DAB1: variants seen among roughly 807,000 people sequenced by gnomAD.
DAB1 encodes disabled homolog 1.
DAB1 carries 15 observed loss-of-function variants against 64.6 expected under a neutral mutation model. The observed-to-expected ratio is 0.23, with a 90% CI of 0.16 to 0.36. The LOEUF (loss-of-function observed/expected upper bound fraction) is 0.36, where lower values mean the gene tolerates loss of function less well. DAB1 is among the 10% of genes least tolerant of loss of function. The pLI is 1.00. For missense variants in DAB1, 596 were observed against 706.7 expected (o/e 0.84, Z 1.78); for synonymous variants, 235 against 251.9 (o/e 0.93, Z 0.64).
chr1:57,103,069 C>T (rs1298412245), intron 4 of DAB1, among the ~76,000 whole-genome samples: 1 of 152,124 alleles, frequency 6.6e-6, no homozygotes, highest in African/African-American at 2.4e-5. Context: ...CAAAATGGGG[C>T]TATTTTTAGT....
intron 9 of DAB1, among the ~76,000 whole-genome samples, chr1:57,028,672 G>A (rs144656137): frequency 2.5e-3 from 379 of 152,296 alleles, no homozygotes; most frequent in African/African-American, 8.3e-3. Context: ...ATAGAGATGA[G>A]GAACTGGTTG....
intron 7 of DAB1, among the ~76,000 whole-genome samples, chr1:57,499,139 C>T (rs1009334296): frequency 6.6e-6 from 1 of 152,140 alleles, no homozygotes; most frequent in Non-Finnish European, 1.5e-5. Context: ...CCACGCCCGG[C>T]TAATTTTTTG....
At chr1:57,454,323 C>T (rs1371026203) in intron 7 of DAB1, among the ~76,000 whole-genome samples, 7 of 152,058 alleles carry the variant, frequency 4.6e-5, no homozygotes, top group Admixed American at 4.6e-4. Context: ...ACTATGCAGT[C>T]ATAAAAAAGA....
rs772989513 is a variant in DAB1, at chr1:57,207,446, C to CTTTTTTTTTTTTTT, written c.68-62031_68-62018dup. ...CTGTAATTCATACCTTATTTCCTTT[C>CTTTTTTTTTTTTTT]TTTTTTTTTTTTTTTGAGATGGAGT... On this transcript the variant is annotated intron_variant, in intron 2 of 14. Transcript: ENST00000371236. 1.5e-3 allele frequency among the ~76,000 whole-genome samples: 145 copies of CTTTTTTTTTTTTTT among 98,418 alleles called. 14 individuals are homozygous for CTTTTTTTTTTTTTT. Among genetic ancestry groups the CTTTTTTTTTTTTTT allele is most frequent in the Middle Eastern group, 6.3e-3 (1 of 160 alleles). 64.6% of individuals were successfully genotyped at this position (98,418 alleles called of 152,430 possible).
intron 1 of DAB1, among the ~76,000 whole-genome samples, chr1:57,361,258 A>C (rs1484182860): frequency 6.6e-6 from 1 of 152,190 alleles, no homozygotes. Context: ...CATAAAACTC[A>C]GCATGTCCCA....
rs75222019 is a variant in DAB1 at position 57,141,709 on chromosome 1, C to T, written c.207+3581G>A. The stretch of plus-strand genomic sequence containing the variant: ...CAGGCACTGCCTTTGGAGACCTCAT[C>T]CTTTTCCTTAACTTCAATCACCACC... On this transcript the variant is annotated intron_variant, in intron 3 of 14. Coordinates refer to ENST00000371236, the MANE Select transcript of DAB1 (RefSeq NM_001365792.1). Among the ~76,000 whole-genome samples, 1,408 of 152,272 alleles carry T rather than the reference C, an allele frequency of 9.2e-3. 15 individuals are homozygous for T. The highest frequency in any genetic ancestry group is 0.015 in the Non-Finnish European group (1,033 of 68,020).
At chr1:58,493,970 A>G (rs547468453) in intron 3 of DAB1, among the ~76,000 whole-genome samples, 1 of 147,064 alleles carries the variant, frequency 6.8e-6, no homozygotes, top group Non-Finnish European at 1.5e-5. Context: ...GTCAATCCTA[A>G]GCAAAAAGAA....
At chr1:58,044,866 G>A (rs2100512801) in intron 5 of DAB1, among the ~76,000 whole-genome samples, 1 of 152,174 alleles carries the variant, frequency 6.6e-6, no homozygotes, top group South Asian at 2.1e-4. Context: ...ATAATAATCT[G>A]AACAAACCTA....
At chr1:57,514,224 A>C (rs1020321967) in intron 7 of DAB1, among the ~76,000 whole-genome samples, 15 of 152,194 alleles carry the variant, frequency 9.9e-5, no homozygotes, top group Non-Finnish European at 1.9e-4. Context: ...GCTGGGTCAT[A>C]TGGTAGTTCA....
intron 4 of DAB1, among the ~76,000 whole-genome samples, chr1:58,226,462 G>A (rs1241374923): frequency 1.3e-5 from 2 of 151,794 alleles, no homozygotes; most frequent in African/African-American, 4.8e-5. Context: ...CACAGAAGCA[G>A]GGCTCGAGGT....
At chr1:57,091,819 C>A (rs566768416) in intron 4 of DAB1, among the ~76,000 whole-genome samples, 1 of 152,330 alleles carries the variant, frequency 6.6e-6, no homozygotes, top group African/African-American at 2.4e-5. Context: ...CAGTTCCTGG[C>A]ACCTAATAAA....
intron 5 of DAB1, among the ~76,000 whole-genome samples, chr1:57,936,961 C>T (rs1431014884): frequency 3.9e-5 from 6 of 152,048 alleles, no homozygotes; most frequent in South Asian, 4.2e-4. Flanking sequence ...GGCTTGTTCT[C>T]ACCTCAGGGC....
chr1:57,465,434 A>G (rs1686924258), intron 7 of DAB1, among the ~76,000 whole-genome samples: 1 of 152,136 alleles, frequency 6.6e-6, no homozygotes, highest in African/African-American at 2.4e-5. Flanking sequence ...CCCTGAACAA[A>G]TGAATGAATG....
chr1:57,543,641 A>G (rs1239268274), intron 7 of DAB1, among the ~76,000 whole-genome samples: 1 of 152,198 alleles, frequency 6.6e-6, no homozygotes, highest in Non-Finnish European at 1.5e-5. Context: ...TCGGTAAAAG[A>G]CTTAGAGAAG....
chr1:57,672,107 G>C (rs550208667), intron 6 of DAB1, among the ~76,000 whole-genome samples: 1 of 152,218 alleles, frequency 6.6e-6, no homozygotes, highest in African/African-American at 2.4e-5. Flanking sequence ...GAAAGGCCCA[G>C]AAAAGTTAAG....
intron 7 of DAB1, among the ~76,000 whole-genome samples, chr1:57,540,439 T>C (rs1461550873): frequency 6.6e-6 from 1 of 152,174 alleles, no homozygotes; most frequent in East Asian, 1.9e-4. Context: ...AGCAATCCCA[T>C]GACTCGTATT....
chr1:58,070,930 C>G (rs17116832), intron 5 of DAB1, among the ~76,000 whole-genome samples: 168 of 152,248 alleles, frequency 1.1e-3, no homozygotes, highest in African/African-American at 3.9e-3. Flanking sequence ...TGAGAGTGAT[C>G]CAGGTGGAGA....
At chr1:57,225,390 T>C (rs1667185990) in intron 2 of DAB1, among the ~76,000 whole-genome samples, 1 of 152,152 alleles carries the variant, frequency 6.6e-6, no homozygotes, top group South Asian at 2.1e-4. Flanking sequence ...TTGAACTGAA[T>C]TGAAGGACAC....
intron 1 of DAB1, among the ~76,000 whole-genome samples, chr1:57,302,858 A>C (rs943950646): frequency 3.3e-5 from 5 of 152,210 alleles, no homozygotes; most frequent in African/African-American, 1.2e-4. Context: ...AGAACTTGGC[A>C]TGACCCCTCC....
Sources: gnomAD v4.1 joint callset for allele counts (sites outside exome capture counted in the v4.1 genomes callset) on GRCh38, gnomAD v4.1.1 for gene constraint, MANE v1.5 for transcripts, NCBI Gene and HGNC (gene_info 2026-07-23, HGNC 2026-07-21) for gene names.